The following TBC1D8 variants were observed in gnomAD, a reference collection of about 807,000 sequenced individuals.
TBC1D8 encodes the protein BUB2-like protein 1.
Under a neutral mutation model 118.8 loss-of-function variants are expected in TBC1D8, and 65 were observed. The observed-to-expected ratio is 0.55, with a 90% CI of 0.45 to 0.67. TBC1D8 has a LOEUF of 0.67. Among genes scored for constraint, TBC1D8 ranks in the 30% least tolerant of loss-of-function variants. The pLI is 0.00. For missense variants in TBC1D8, 1,376 were observed against 1,471.2 expected, an observed-to-expected ratio of 0.94 and a Z score of 1.06; for synonymous variants, 566 against 595.8, an observed-to-expected ratio of 0.95 and a Z score of 0.73.
chr2:101,133,562 G>A (rs897667543), intron 1 of TBC1D8, among the ~76,000 whole-genome samples: 3 of 152,162 alleles, frequency 2.0e-5, no homozygotes, highest in Non-Finnish European at 2.9e-5. Flanking sequence ...TCTGGTGAGG[G>A]GGGTTCACAG....
intron 1 of TBC1D8, among the ~76,000 whole-genome samples, chr2:101,133,422 C>T (rs1420920532): frequency 2.0e-5 from 3 of 152,072 alleles, no homozygotes; most frequent in Non-Finnish European, 4.4e-5. Context: ...TCCCTCTCTC[C>T]CTGTCTTAGT....
chr2:101,034,017 AGC>A (rs1333015164), intron 9 of TBC1D8, among the ~76,000 whole-genome samples: 1 of 152,132 alleles, frequency 6.6e-6, no homozygotes, highest in Non-Finnish European at 1.5e-5. Context: ...TACAAAAATT[AGC>A]CAGGCATGGT....
chr2:101,084,849 A>ATT (rs70943062), intron 2 of TBC1D8, among the ~76,000 whole-genome samples: 41,109 of 136,232 alleles, frequency 0.3, 6,579 homozygotes, highest in East Asian at 0.38. Context: ...GGTATTCACT[A>ATT]TTTTTTTTTT....
rs555072606 is a variant in TBC1D8, at chr2:101,138,716, G to GTGCCCTCTCTGGGTGGGC, written c.127+12393_127+12410dup. ...GTACTGGAGGGGACGTGGCACTTCT[G>GTGCCCTCTCTGGGTGGGC]TGCCCTCTCTGGGTGGGCTACCCTC... On this transcript the variant is annotated intron_variant, in intron 1 of 19. Transcript: ENST00000409318. Among the ~76,000 whole-genome samples the GTGCCCTCTCTGGGTGGGC allele has an allele frequency of 5.3e-4, 81 of 152,268 alleles. 1 individual carries two copies. Among genetic ancestry groups the GTGCCCTCTCTGGGTGGGC allele is most frequent in the African/African-American group, 1.9e-3 (77 of 41,550 alleles).
chr2:101,031,850 A>G (rs904595930), intron 11 of TBC1D8, among the ~76,000 whole-genome samples: 4 of 152,004 alleles, frequency 2.6e-5, no homozygotes, highest in African/African-American at 9.7e-5. Context: ...TCCTGTCTGA[A>G]CAAGCTCCCT....
At chr2:101,027,319 G>T in intron 15 of TBC1D8, 64 bp downstream of exon 15, 1 of 1,483,254 alleles carries the variant, frequency 6.7e-7, no homozygotes, top group Non-Finnish European at 9.4e-7. Context: ...CCCTGGGCAG[G>T]CTGGGCACCG....
chr2:101,076,061 T>C (rs1674795756), intron 2 of TBC1D8, among the ~76,000 whole-genome samples: 1 of 152,218 alleles, frequency 6.6e-6, no homozygotes, highest in African/African-American at 2.4e-5. Flanking sequence ...TCACTTGTCA[T>C]CACTGCAGAT....
rs748858492 is a variant in TBC1D8 at position 101,022,464 on chromosome 2, C to G, written c.2578G>C (p.Asp860His). ...TGCTCAGCATAGGGCCGGCTGGGGT[C>G]GTGGCGTGAGGCCATGGGCCTGGGC... ...EQPRPMASRH[D>H]PSRPYAEQYR... is the part of the protein sequence containing the mutation. The change falls in exon 16 of 20, where the codon GAC (aspartate) becomes CAC (histidine). Residue 860 changes from aspartate to histidine, a missense_variant. Coordinates refer to ENST00000409318, the MANE Select transcript of TBC1D8 (RefSeq NM_001330348.2). 1 of 1,608,978 alleles carries G rather than the reference C, an allele frequency of 6.2e-7. No homozygotes were observed. The highest frequency in any genetic ancestry group is 1.3e-5 in the African/African-American group (1 of 74,766).
chr2:101,115,012 A>AC (rs1185865727), intron 1 of TBC1D8, among the ~76,000 whole-genome samples: 4 of 152,210 alleles, frequency 2.6e-5, no homozygotes, highest in Non-Finnish European at 4.4e-5. Flanking sequence ...GTTTCACAGA[A>AC]CCTGTCGCTT....
chr2:101,041,564 T>G (rs1023343921), intron 5 of TBC1D8, among the ~76,000 whole-genome samples: 1 of 152,140 alleles, frequency 6.6e-6, no homozygotes, highest in Non-Finnish European at 1.5e-5. Flanking sequence ...TGACTGCTCA[T>G]GGGTACATGG....
At chr2:101,019,219 C>T (rs1011698046) in intron 17 of TBC1D8, 1 of 618,546 alleles carries the variant, frequency 1.6e-6, no homozygotes, top group African/African-American at 1.8e-5. Flanking sequence ...GTCTTCTGCC[C>T]TTGCCTCTTC....
At chr2:101,053,991 C>A (rs1682226433) in intron 4 of TBC1D8, 117 bp downstream of exon 4, 5 of 891,236 alleles carry the variant, frequency 5.6e-6, no homozygotes, top group Non-Finnish European at 6.8e-6. Flanking sequence ...CACCTGGTGT[C>A]ATCTCCACCA....
At chr2:101,010,508 T>C (rs1679119571) in intron 19 of TBC1D8, among the ~76,000 whole-genome samples, 1 of 152,172 alleles carries the variant, frequency 6.6e-6, no homozygotes, top group Non-Finnish European at 1.5e-5. Flanking sequence ...GTATTTCCAA[T>C]TTAATCACTA....
At chr2:101,022,971 C>T (rs1348167501) in intron 15 of TBC1D8, among the ~76,000 whole-genome samples, 1 of 151,738 alleles carries the variant, frequency 6.6e-6, no homozygotes, top group Non-Finnish European at 1.5e-5. Flanking sequence ...AGTGAAACCC[C>T]GTCTCTACTA....
intron 10 of TBC1D8, 39 bp downstream of exon 10, chr2:101,033,505 A>G (rs1410447079): frequency 2.5e-6 from 4 of 1,611,980 alleles, no homozygotes; most frequent in East Asian, 2.2e-5. Flanking sequence ...TGAGACACCA[A>G]CTAAAGACTC....
intron 2 of TBC1D8, chr2:101,068,505 TG>T: frequency 4.8e-6 from 2 of 415,130 alleles, no homozygotes; most frequent in South Asian, 5.1e-5. Context: ...TAGTTGTCTC[TG>T]GAAGATGGAA....
At position 101,127,634 on chromosome 2, in the gene TBC1D8, C is replaced by T. The variant is rs376791498; in HGVS notation, c.127+23493G>A. Among the ~76,000 whole-genome samples the T allele has an allele frequency of 5.9e-5, 9 of 152,300 alleles. No homozygotes were observed. The East Asian group carries it at 1.2e-3, about 20-fold the overall frequency. On this transcript the variant is annotated intron_variant, in intron 1 of 19. Transcript: ENST00000409318. ...CTCACTACAGACTCAAACTCTTGGG[C>T]TCAACCGATCCTCCCACCTCAGCCT...
intron 17 of TBC1D8, among the ~76,000 whole-genome samples, chr2:101,014,930 T>A (rs1679501977): frequency 6.6e-6 from 1 of 152,210 alleles, no homozygotes; most frequent in African/African-American, 2.4e-5. Flanking sequence ...ATAATGCTTG[T>A]AAGGTTTTTC....
At chr2:101,121,098 C>T (rs1294289604) in intron 1 of TBC1D8, among the ~76,000 whole-genome samples, 1 of 152,166 alleles carries the variant, frequency 6.6e-6, no homozygotes, top group African/African-American at 2.4e-5. Flanking sequence ...GCAAACCTCC[C>T]TCTTTTCTAA....
Sources: allele counts gnomAD v4.1 joint callset (sites outside exome capture counted in the v4.1 genomes callset), GRCh38; gene constraint gnomAD v4.1.1; transcripts MANE v1.5; gene names NCBI Gene and HGNC (gene_info 2026-07-23, HGNC 2026-07-21).